The following THSD7B variants were observed in gnomAD, a reference collection of about 807,000 sequenced individuals.
The protein encoded by THSD7B is thrombospondin type 1 domain containing 7B.
In THSD7B, 138 loss-of-function variants were observed where a neutral mutation model predicts 213.6. The ratio of observed to expected loss-of-function variants is 0.65; its 90% CI spans 0.56 to 0.74. THSD7B has a LOEUF of 0.74. Among genes scored for constraint, THSD7B ranks in the 30% least tolerant of loss-of-function variants. THSD7B has a pLI of 0.00. For missense variants in THSD7B, 1,931 were observed against 1,991.5 expected, an observed-to-expected ratio of 0.97 and a Z score of 0.58; for synonymous variants, 742 against 687.0, an observed-to-expected ratio of 1.08 and a Z score of -1.25.
At chr2:136,814,232 A>G (rs1248297586) in intron 1 of THSD7B, among the ~76,000 whole-genome samples, 1 of 152,208 alleles carries the variant, frequency 6.6e-6, no homozygotes, top group Non-Finnish European at 1.5e-5. Context: ...TTTAATGGGA[A>G]TAAGTGGAAA....
intron 1 of THSD7B, among the ~76,000 whole-genome samples, chr2:136,834,350 A>G (rs1341489766): frequency 1.3e-5 from 2 of 152,194 alleles, no homozygotes; most frequent in Non-Finnish European, 2.9e-5. Context: ...CTGAGAGTTG[A>G]CTTTTGAATG....
intron 1 of THSD7B, among the ~76,000 whole-genome samples, chr2:136,845,351 G>A (rs1328526050): frequency 1.3e-5 from 2 of 152,194 alleles, no homozygotes; most frequent in Non-Finnish European, 2.9e-5. Context: ...TTTAGGACCT[G>A]GCCTTGATAC....
At chr2:136,826,067 C>T (rs974793402) in intron 1 of THSD7B, among the ~76,000 whole-genome samples, 2 of 152,066 alleles carry the variant, frequency 1.3e-5, no homozygotes, top group African/African-American at 4.8e-5. Flanking sequence ...TCCCCAATGT[C>T]GTGACAGATT....
intron 2 of THSD7B, among the ~76,000 whole-genome samples, chr2:136,923,572 C>A (rs147827147): frequency 1.5e-4 from 23 of 152,274 alleles, no homozygotes; most frequent in African/African-American, 5.3e-4. Flanking sequence ...ACATCTCAAC[C>A]AAAATCATAC....
At chr2:137,097,281 G>A (rs1432229) in intron 4 of THSD7B, among the ~76,000 whole-genome samples, 16,802 of 152,022 alleles carry the variant, frequency 0.11, 1,280 homozygotes, top group African/African-American at 0.22. Flanking sequence ...GTACCTTCCT[G>A]TCAATGCTAA....
intron 12 of THSD7B, among the ~76,000 whole-genome samples, chr2:137,346,495 TCTCC>T (rs970215204): frequency 1.7e-4 from 26 of 150,762 alleles, no homozygotes; most frequent in African/African-American, 6.4e-4. Context: ...TCTCTCTCTC[TCTCC>T]CTCTCCCTCT....
chr2:137,026,711 C>T (rs1465434991), intron 2 of THSD7B, among the ~76,000 whole-genome samples: 2 of 152,160 alleles, frequency 1.3e-5, no homozygotes, highest in Admixed American at 6.6e-5. Context: ...CCATCTGAAA[C>T]AATATATTTG....
rs1456321520 is a variant in THSD7B, at chr2:137,325,602, CA to C, written c.2500+49579del. On this transcript the variant is annotated intron_variant, in intron 12 of 27. Transcript: ENST00000409968. ...ACAGACACACACACACACAGACACA[CA>C]AACACACACATGAATACGTTTAGCA... Among the ~76,000 whole-genome samples, 4 of 152,116 alleles carry C rather than the reference CA, an allele frequency of 2.6e-5. No individual in the cohort carries two copies. In the East Asian group the frequency reaches 5.8e-4, roughly 22 times the overall value.
chr2:137,121,204 A>T (rs1688540269), intron 5 of THSD7B, among the ~76,000 whole-genome samples: 1 of 152,176 alleles, frequency 6.6e-6, no homozygotes, highest in Non-Finnish European at 1.5e-5. Flanking sequence ...GTTATTAAAA[A>T]TTTCCTAATT....
intron 12 of THSD7B, among the ~76,000 whole-genome samples, chr2:137,316,482 A>G (rs2104871916): frequency 6.6e-6 from 1 of 152,350 alleles, no homozygotes; most frequent in East Asian, 1.9e-4. Context: ...AACTGCTGTT[A>G]AGAAAAGGTG....
intron 12 of THSD7B, among the ~76,000 whole-genome samples, chr2:137,332,165 C>T (rs187603628): frequency 1.3e-5 from 2 of 152,138 alleles, no homozygotes; most frequent in East Asian, 2.0e-4. Flanking sequence ...CACCCTGTCA[C>T]CTCTCAAAAG....
At position 137,244,090 on chromosome 2, in the gene THSD7B, T is replaced by C. The variant is rs115946040; in HGVS notation, c.2266+1518T>C. Among the ~76,000 whole-genome samples, 1,105 of 152,286 alleles carry C rather than the reference T, an allele frequency of 7.3e-3. 11 individuals are homozygous for C. Among genetic ancestry groups the C allele is most frequent in the African/African-American group, 0.023 (950 of 41,568 alleles). On this transcript the variant is annotated intron_variant, in intron 10 of 27. Transcript: ENST00000409968. ...AATGTCGTTTCAAAGCAGGCAAGGATAGAAAAGCTTCTGTCTCTACTCTGA... is the reference window on the plus strand; with the variant it reads ...AATGTCGTTTCAAAGCAGGCAAGGACAGAAAAGCTTCTGTCTCTACTCTGA...
chr2:137,454,564 T>A (rs1369619179), intron 15 of THSD7B, among the ~76,000 whole-genome samples: 1 of 152,162 alleles, frequency 6.6e-6, no homozygotes, highest in Non-Finnish European at 1.5e-5. Context: ...GAATCCCATG[T>A]GTTTGTTATA....
chr2:136,988,736 T>A lies in THSD7B; in HGVS notation c.140-67684T>A, dbSNP rs546324248. On this transcript the variant is annotated intron_variant, in intron 2 of 27. Transcript: ENST00000409968. ...TTATTTTTCTGTTTTCCATTCAAAA[T>A]CTGCTCCACTCCTGCTTAACCAAAA... Among the ~76,000 whole-genome samples, 11 of 152,372 alleles carry A rather than the reference T, an allele frequency of 7.2e-5. No individual in the cohort carries two copies. The East Asian group carries it at 1.9e-3, about 27-fold the overall frequency.
At chr2:137,064,779 A>G (rs1324939802) in intron 3 of THSD7B, among the ~76,000 whole-genome samples, 3 of 151,840 alleles carry the variant, frequency 2.0e-5, no homozygotes, top group African/African-American at 7.3e-5. Flanking sequence ...TCCTCAGTGT[A>G]TGTTCTTGAT....
chr2:136,969,955 T>A (rs1402150764), intron 2 of THSD7B, among the ~76,000 whole-genome samples: 1 of 152,044 alleles, frequency 6.6e-6, no homozygotes, highest in East Asian at 1.9e-4. Context: ...CCCAACCACA[T>A]GCCTACAAAA....
At chr2:137,015,931 G>T (rs1254136696) in intron 2 of THSD7B, among the ~76,000 whole-genome samples, 1 of 152,142 alleles carries the variant, frequency 6.6e-6, no homozygotes, top group East Asian at 1.9e-4. Context: ...CCTTCTAGGA[G>T]ATGAAGAGAA....
chr2:137,526,792 G>C (rs539341373), intron 15 of THSD7B, among the ~76,000 whole-genome samples: 1 of 152,242 alleles, frequency 6.6e-6, no homozygotes, highest in South Asian at 2.1e-4. Context: ...GTGGTGCACA[G>C]TGATAAATGT....
intron 2 of THSD7B, among the ~76,000 whole-genome samples, chr2:137,043,547 G>C (rs1333566413): frequency 6.6e-6 from 1 of 152,190 alleles, no homozygotes; most frequent in Non-Finnish European, 1.5e-5. Flanking sequence ...CCGAGGAGGA[G>C]AAGAGCAGAG....
Sources: allele counts gnomAD v4.1 joint callset (sites outside exome capture counted in the v4.1 genomes callset), GRCh38; gene constraint gnomAD v4.1.1; transcripts MANE v1.5; gene names NCBI Gene and HGNC (gene_info 2026-07-23, HGNC 2026-07-21).